MIPOL1: variants seen among roughly 807,000 people sequenced by gnomAD.
MIPOL1 encodes mirror-image polydactyly 1.
A neutral mutation model predicts 60.9 loss-of-function variants in MIPOL1; 57 were observed. The observed-to-expected ratio is 0.94, with a 90% CI of 0.76 to 1.17. The LOEUF is 1.17. Among genes scored for constraint, MIPOL1 ranks in the 50% most tolerant of loss-of-function variants. The pLI is 0.00. For missense variants in MIPOL1, 551 were observed against 511.6 expected, an observed-to-expected ratio of 1.08 and a Z score of -0.74; for synonymous variants, 179 against 168.8, an observed-to-expected ratio of 1.06 and a Z score of -0.47.
intron 12 of MIPOL1, among the ~76,000 whole-genome samples, chr14:37,531,129 T>C (rs2095476705): frequency 6.6e-6 from 1 of 152,136 alleles, no homozygotes; most frequent in African/African-American, 2.4e-5. Context: ...GAAAGAATTA[T>C]ACTAATTATT....
In MIPOL1 at chr14:37,314,323, T is replaced by G. The variant is rs150981630; in HGVS notation, c.828+5804T>G. ...AATTAAAGAAATTCAGCTAAACATT[T>G]CACTGTTCAGATTCCTTTACCAATA... On this transcript the variant is annotated intron_variant, in intron 9 of 12. Transcript: ENST00000684589. Among the ~76,000 whole-genome samples, 1,441 of 152,246 alleles carry G rather than the reference T, an allele frequency of 9.5e-3. 19 individuals carry two copies. The highest frequency in any genetic ancestry group is 0.012 in the Non-Finnish European group (830 of 68,002).
chr14:37,467,777 G>A (rs1398317289), intron 11 of MIPOL1, among the ~76,000 whole-genome samples: 4 of 151,988 alleles, frequency 2.6e-5, no homozygotes, highest in Non-Finnish European at 4.4e-5. Context: ...ATTTTTGGCC[G>A]GGTGCGGTGG....
chr14:37,204,987 G>A (rs1350039402), intron 1 of MIPOL1, among the ~76,000 whole-genome samples: 1 of 152,172 alleles, frequency 6.6e-6, no homozygotes, highest in African/African-American at 2.4e-5. Context: ...TAGAAATGAG[G>A]AACTTGTTGA....
chr14:37,493,633 A>G (rs2095077208), intron 11 of MIPOL1, among the ~76,000 whole-genome samples: 1 of 152,228 alleles, frequency 6.6e-6, no homozygotes, highest in African/African-American at 2.4e-5. Context: ...AAGTAAAAAT[A>G]TTTTTAAAGT....
chr14:37,236,003 T>G (rs1352372078), intron 1 of MIPOL1, among the ~76,000 whole-genome samples: 1 of 151,886 alleles, frequency 6.6e-6, no homozygotes, highest in Admixed American at 6.6e-5. Flanking sequence ...CTCGGCTCAC[T>G]GCAACCTCCG....
At chr14:37,340,146 C>T (rs1359807262) in intron 9 of MIPOL1, among the ~76,000 whole-genome samples, 1 of 151,936 alleles carries the variant, frequency 6.6e-6, no homozygotes, top group African/African-American at 2.4e-5. Context: ...TGTCTTACTA[C>T]TTTGTCTTTC....
chr14:37,450,300 A>G (rs1175674034), intron 11 of MIPOL1, among the ~76,000 whole-genome samples: 1 of 152,022 alleles, frequency 6.6e-6, no homozygotes, highest in Non-Finnish European at 1.5e-5. Flanking sequence ...TCTCTTCTGC[A>G]TTGGTTTGGC....
chr14:37,312,052 G>A (rs879323657), intron 9 of MIPOL1, among the ~76,000 whole-genome samples: 1 of 152,018 alleles, frequency 6.6e-6, no homozygotes, highest in African/African-American at 2.4e-5. Context: ...ATTAAAGTGA[G>A]ATTTTGAGTT....
chr14:37,329,892 C>A (rs2089516452), intron 9 of MIPOL1, among the ~76,000 whole-genome samples: 1 of 152,048 alleles, frequency 6.6e-6, no homozygotes, highest in African/African-American at 2.4e-5. Context: ...TACTTAAGAA[C>A]CAACTCATTA....
At chr14:37,282,764 A>AC (rs1354154686) in intron 6 of MIPOL1, among the ~76,000 whole-genome samples, 5 of 151,136 alleles carry the variant, frequency 3.3e-5, no homozygotes, top group African/African-American at 1.2e-4. Context: ...AAAAAAAAAA[A>AC]AAAAAAGAAG....
At chr14:37,441,523 G>A (rs187930966) in intron 11 of MIPOL1, among the ~76,000 whole-genome samples, 1 of 152,202 alleles carries the variant, frequency 6.6e-6, no homozygotes, top group African/African-American at 2.4e-5. Flanking sequence ...TGTCAATTTT[G>A]TCAAAGATCA....
In MIPOL1 at chr14:37,547,607, C is replaced by T. The variant is rs1319793471; in HGVS notation, c.*636C>T. On this transcript the variant is annotated 3_prime_UTR_variant, in exon 13 of 13. Transcript: ENST00000684589. ...TCAAGGCATGATTTTTGTTTCACTACAAATAATGCAAACTGTTTTCAATAA... is the reference window on the plus strand; with the variant it reads ...TCAAGGCATGATTTTTGTTTCACTATAAATAATGCAAACTGTTTTCAATAA... The T allele has an allele frequency of 6.6e-6, 1 of 152,452 alleles. No homozygotes were observed. The highest frequency in any genetic ancestry group is 1.5e-5 in the Non-Finnish European group (1 of 67,978). The allele number at this position is 152,452 out of a possible 1,614,324, so 9.4% of individuals were successfully genotyped here. A position where few individuals can be genotyped will look rare whatever the true frequency, so the allele number is the denominator to read the frequency against.
intron 3 of MIPOL1, among the ~76,000 whole-genome samples, chr14:37,257,093 T>TGTG (rs758423602): frequency 1.7e-5 from 1 of 60,408 alleles, no homozygotes; most frequent in African/African-American, 5.8e-5. Flanking sequence ...TTTGGTTTTG[T>TGTG]TTTGTGTGTG....
chr14:37,338,975 T>G (rs1456624729), intron 9 of MIPOL1, among the ~76,000 whole-genome samples: 4 of 152,110 alleles, frequency 2.6e-5, no homozygotes, highest in Admixed American at 6.6e-5. Context: ...AAAATATTGA[T>G]CAATTTTACT....
At chr14:37,328,319 A>T (rs2089369548) in intron 9 of MIPOL1, among the ~76,000 whole-genome samples, 1 of 152,056 alleles carries the variant, frequency 6.6e-6, no homozygotes, top group African/African-American at 2.4e-5. Context: ...CCGGCCCAGA[A>T]AATTTTCCAT....
intron 11 of MIPOL1, among the ~76,000 whole-genome samples, chr14:37,477,795 G>A (rs138534305): frequency 2.6e-5 from 4 of 152,208 alleles, no homozygotes; most frequent in Non-Finnish European, 5.9e-5. Flanking sequence ...CACCTACAAA[G>A]TGTAATAAAG....
intron 7 of MIPOL1, among the ~76,000 whole-genome samples, chr14:37,295,708 G>T (rs1259651468): frequency 2.6e-5 from 4 of 152,114 alleles, no homozygotes; most frequent in Non-Finnish European, 5.9e-5. Context: ...AGACAAAGAA[G>T]GCCATTGCAT....
intron 10 of MIPOL1, among the ~76,000 whole-genome samples, chr14:37,407,335 A>C (rs916477745): frequency 6.6e-6 from 1 of 152,176 alleles, no homozygotes; most frequent in African/African-American, 2.4e-5. Context: ...TTAAACACTG[A>C]GTGTTTAAAT....
chr14:37,308,119 T>C (rs1319465837), intron 8 of MIPOL1, 30 bp downstream of exon 8: 2 of 1,600,506 alleles, frequency 1.2e-6, no homozygotes, highest in Admixed American at 1.7e-5. Flanking sequence ...GATTTCTTGA[T>C]GTCAGTCTTA....
Sources: gnomAD v4.1 joint callset for allele counts (sites outside exome capture counted in the v4.1 genomes callset) on GRCh38, gnomAD v4.1.1 for gene constraint, MANE v1.5 for transcripts, NCBI Gene and HGNC (gene_info 2026-07-23, HGNC 2026-07-21) for gene names.